The following COBL variants were observed in gnomAD, a reference collection of about 807,000 sequenced individuals.
The protein encoded by COBL is cordon-bleu WH2 repeat protein, also known as protein cordon-bleu.
COBL carries 51 observed loss-of-function variants against 98.8 expected under a neutral mutation model. The ratio of observed to expected loss-of-function variants is 0.52; its 90% CI spans 0.41 to 0.65. COBL has a LOEUF of 0.65. COBL is among the 30% of genes least tolerant of loss of function. The pLI is 0.00. For synonymous variants in COBL, 634 were observed against 651.7 expected, an observed-to-expected ratio of 0.97 and a Z score of 0.41; for missense variants, 1,617 against 1,617.5, an observed-to-expected ratio of 1.00 and a Z score of 0.01.
chr7:51,315,761 C>A (rs1046823242), intron 1 of COBL, among the ~76,000 whole-genome samples: 4 of 152,256 alleles, frequency 2.6e-5, no homozygotes, highest in Admixed American at 2.0e-4. Context: ...ATGAGCAGGG[C>A]TGCTCGTCCT....
chr7:51,098,685 G>A (rs1795530197), intron 6 of COBL, among the ~76,000 whole-genome samples: 1 of 152,088 alleles, frequency 6.6e-6, no homozygotes, highest in African/African-American at 2.4e-5. Context: ...AAATCTTTAT[G>A]ACATTCTATT....
chr7:51,310,206 T>C (rs1370706269), intron 1 of COBL, among the ~76,000 whole-genome samples: 1 of 152,236 alleles, frequency 6.6e-6, no homozygotes, highest in African/African-American at 2.4e-5. Flanking sequence ...CACCTGTGTC[T>C]GGCAGCACTG....
intron 5 of COBL, among the ~76,000 whole-genome samples, chr7:51,153,695 C>A (rs1785799440): frequency 6.6e-6 from 1 of 152,220 alleles, no homozygotes; most frequent in Admixed American, 6.5e-5. Context: ...GAAATGGGGA[C>A]AAGACCATGG....
chr7:51,294,971 C>T (rs1055950217), intron 1 of COBL, among the ~76,000 whole-genome samples: 14 of 151,860 alleles, frequency 9.2e-5, no homozygotes, highest in African/African-American at 3.1e-4. Flanking sequence ...AGGACAAATA[C>T]CTAATGCATG....
chr7:51,092,895 T>C (rs187410196), intron 6 of COBL, among the ~76,000 whole-genome samples: 1 of 152,216 alleles, frequency 6.6e-6, no homozygotes, highest in African/African-American at 2.4e-5. Context: ...ATATTAATTA[T>C]TTTAATCCAT....
intron 1 of COBL, among the ~76,000 whole-genome samples, chr7:51,270,013 T>C (rs1798609680): frequency 6.6e-6 from 1 of 152,186 alleles, no homozygotes; most frequent in African/African-American, 2.4e-5. Flanking sequence ...ACAGAGGCTC[T>C]GAAAAGTTCC....
intron 2 of COBL, among the ~76,000 whole-genome samples, chr7:51,207,525 C>T (rs962218748): frequency 6.6e-6 from 1 of 152,240 alleles, no homozygotes; most frequent in Non-Finnish European, 1.5e-5. Flanking sequence ...ACTGCAACCT[C>T]CCTGCCTGAT....
At chr7:51,210,216 T>A (rs151072850) in intron 2 of COBL, among the ~76,000 whole-genome samples, 1 of 152,166 alleles carries the variant, frequency 6.6e-6, no homozygotes, top group Non-Finnish European at 1.5e-5. Context: ...AAAGCTGCCA[T>A]GATATCTTCA....
At chr7:51,132,566 A>G (rs989334086) in intron 6 of COBL, among the ~76,000 whole-genome samples, 71 of 152,330 alleles carry the variant, frequency 4.7e-4, no homozygotes, top group African/African-American at 1.7e-3. Flanking sequence ...CCATGAGCAA[A>G]TAAGAGGAAA....
At chr7:51,219,983 A>G in intron 1 of COBL, 39 bp from the exon 2 acceptor site, 1 of 1,574,930 alleles carries the variant, frequency 6.3e-7, no homozygotes, top group Non-Finnish European at 8.7e-7. Context: ...GTCAGTGGCA[A>G]TGTTCCTACC....
chr7:51,256,875 T>C (rs1797245778), intron 1 of COBL, among the ~76,000 whole-genome samples: 1 of 152,226 alleles, frequency 6.6e-6, no homozygotes, highest in Non-Finnish European at 1.5e-5. Flanking sequence ...TCCACTCTTC[T>C]TAGACATGGA....
chr7:51,255,564 C>T (rs1167323060), intron 1 of COBL, among the ~76,000 whole-genome samples: 2 of 152,190 alleles, frequency 1.3e-5, no homozygotes, highest in Non-Finnish European at 2.9e-5. Flanking sequence ...TTGGCCAGGC[C>T]TGGGTTCACC....
intron 4 of COBL, among the ~76,000 whole-genome samples, chr7:51,188,151 G>A (rs1023998135): frequency 3.9e-5 from 6 of 152,238 alleles, no homozygotes; most frequent in Non-Finnish European, 7.3e-5. Flanking sequence ...GCTAAGCACC[G>A]CTGAGGACGC....
intron 6 of COBL, among the ~76,000 whole-genome samples, chr7:51,109,569 C>T (rs1796641383): frequency 6.6e-6 from 1 of 152,084 alleles, no homozygotes; most frequent in Admixed American, 6.5e-5. Flanking sequence ...GCATTTCCTG[C>T]CTGAGTTATC....
intron 2 of COBL, among the ~76,000 whole-genome samples, chr7:51,218,121 C>T (rs1026572898): frequency 6.6e-6 from 1 of 152,196 alleles, no homozygotes; most frequent in South Asian, 2.1e-4. Flanking sequence ...ATACTGTATC[C>T]CATGACTCAA....
intron 7 of COBL, among the ~76,000 whole-genome samples, chr7:51,048,638 T>G (rs1202271988): frequency 6.6e-6 from 1 of 152,166 alleles, no homozygotes; most frequent in Admixed American, 6.5e-5. Flanking sequence ...CTTGAGTTTT[T>G]TTTTTTATTC....
chr7:51,085,121 GA>G, intron 7 of COBL, 44 bp downstream of exon 7: 2 of 1,612,168 alleles, frequency 1.2e-6, no homozygotes, highest in Non-Finnish European at 1.7e-6. Flanking sequence ...TTCCAGGACA[GA>G]GCAAGCATCC....
At chr7:51,165,588 A>C (rs539146531) in intron 5 of COBL, among the ~76,000 whole-genome samples, 1 of 152,138 alleles carries the variant, frequency 6.6e-6, no homozygotes, top group East Asian at 1.9e-4. Flanking sequence ...GAAACATCAG[A>C]CTTAATCTAC....
At chr7:51,254,465 A>T (rs1482094778) in intron 1 of COBL, among the ~76,000 whole-genome samples, 1 of 152,232 alleles carries the variant, frequency 6.6e-6, no homozygotes, top group East Asian at 1.9e-4. Flanking sequence ...ATCAAATCTA[A>T]AACTGAACTA....
Sources: allele counts gnomAD v4.1 joint callset (sites outside exome capture counted in the v4.1 genomes callset), GRCh38; gene constraint gnomAD v4.1.1; transcripts MANE v1.5; gene names NCBI Gene and HGNC (gene_info 2026-07-23, HGNC 2026-07-21).